UGT1A10: variants seen among roughly 807,000 people sequenced by gnomAD.
UGT1A10 encodes UDP-glucuronosyltransferase 1A10.
A neutral mutation model predicts 45.8 loss-of-function variants in UGT1A10; 49 were observed. The observed-to-expected ratio is 1.07, with a 90% CI of 0.85 to 1.36. The LOEUF (loss-of-function observed/expected upper bound fraction) is 1.36. UGT1A10 is among the 40% of genes most tolerant of loss of function. The probability of loss-of-function intolerance (pLI) is 0.00; values close to 1 mark genes in which losing one functional copy is unlikely to be tolerated. For synonymous variants in UGT1A10, 284 were observed against 249.7 expected (o/e 1.14, Z -1.29); for missense variants, 745 against 668.6 (o/e 1.11, Z -1.26).
chr2:233,683,998 A>G (rs1450435310), intron 1 of UGT1A10, among the ~76,000 whole-genome samples: 1 of 152,222 alleles, frequency 6.6e-6, no homozygotes, highest in Non-Finnish European at 1.5e-5. Context: ...CGTGACAAAT[A>G]CAAGAGTAAG....
intron 1 of UGT1A10, chr2:233,740,664 A>G (rs1345559084): frequency 6.6e-6 from 1 of 151,798 alleles, no homozygotes; most frequent in East Asian, 1.9e-4. Context: ...GTGAGAAGGT[A>G]CAGGTGTTTC....
chr2:233,767,054 T>C lies in UGT1A10; in HGVS notation c.876T>C (p.Asn292=), dbSNP rs1164851963. ...PLPMEFEAYI[N]ASGEHGIVVF... ...TCTAGGAATTTGAAGCCTACATTAA[T>C]GCTTCTGGAGAACATGGAATTGTGG... is the stretch of plus-strand genomic sequence containing the variant. The change falls in exon 2 of 5, where the codon AAT becomes AAC. Residue 292 remains asparagine, a synonymous_variant. Coordinates refer to ENST00000344644, the MANE Select transcript of UGT1A10 (RefSeq NM_019075.4). The C allele has an allele frequency of 2.5e-6, 4 of 1,614,114 alleles. No homozygotes were observed. Among genetic ancestry groups the C allele is most frequent in the Non-Finnish European group, 2.5e-6 (3 of 1,179,982 alleles).
intron 1 of UGT1A10, among the ~76,000 whole-genome samples, chr2:233,738,662 G>C (rs958812061): frequency 3.9e-5 from 6 of 152,136 alleles, no homozygotes; most frequent in African/African-American, 7.2e-5. Context: ...CTACGAACTT[G>C]AGAGAGATGA....
intron 1 of UGT1A10, chr2:233,671,817 T>A (rs1017115072): frequency 2.6e-5 from 37 of 1,423,448 alleles, no homozygotes; most frequent in South Asian, 2.2e-4. Context: ...ATTTTTTTTT[T>A]ATGAAAGGAT....
chr2:233,681,985 A>C, intron 1 of UGT1A10: 2 of 1,614,108 alleles, frequency 1.2e-6, no homozygotes, highest in Non-Finnish European at 1.7e-6. Flanking sequence ...ATGTGTGTCT[A>C]CTGCTGACCT....
At chr2:233,732,692 C>T (rs1425902853) in intron 1 of UGT1A10, among the ~76,000 whole-genome samples, 1 of 150,324 alleles carries the variant, frequency 6.7e-6, no homozygotes, top group Non-Finnish European at 1.5e-5. Context: ...AGCACCCATG[C>T]TGTTTTGTTA....
At chr2:233,683,853 A>G (rs1303148540) in intron 1 of UGT1A10, among the ~76,000 whole-genome samples, 3 of 152,160 alleles carry the variant, frequency 2.0e-5, no homozygotes, top group African/African-American at 7.2e-5. Flanking sequence ...TAAGTATGCA[A>G]TATCATCTGC....
chr2:233,647,997 G>A (rs2125472448), intron 1 of UGT1A10: 1 of 1,607,712 alleles, frequency 6.2e-7, no homozygotes, highest in South Asian at 1.1e-5. Context: ...GGGGGCATGA[G>A]GTGGTTGTAG....
chr2:233,657,163 C>CACTAGCTAT (rs1376593548), intron 1 of UGT1A10, among the ~76,000 whole-genome samples: 1 of 152,230 alleles, frequency 6.6e-6, no homozygotes, highest in East Asian at 1.9e-4. Flanking sequence ...TGCTGGCCCC[C>CACTAGCTAT]ACTAGCTATC....
chr2:233,668,008 A>T (rs914560486), intron 1 of UGT1A10, among the ~76,000 whole-genome samples: 1 of 152,134 alleles, frequency 6.6e-6, no homozygotes, highest in Non-Finnish European at 1.5e-5. Context: ...AAGAATTCCC[A>T]TATATCTTTT....
chr2:233,743,698 C>T (rs368889261), intron 1 of UGT1A10: 29 of 1,367,192 alleles, frequency 2.1e-5, no homozygotes, highest in Middle Eastern at 2.1e-4. Context: ...AGCCGCCCTC[C>T]GCCCCCGCCT....
chr2:233,737,246 C>T (rs535872842), intron 1 of UGT1A10, among the ~76,000 whole-genome samples: 57 of 152,356 alleles, frequency 3.7e-4, no homozygotes, highest in African/African-American at 1.3e-3. Flanking sequence ...TGTTTACCTA[C>T]TCAAGCCTCA....
intron 1 of UGT1A10, chr2:233,648,634 T>G (rs963801036): frequency 2.2e-4 from 53 of 245,336 alleles, no homozygotes; most frequent in African/African-American, 1.2e-3. Context: ...CTAATTTTTT[T>G]TTTGTATTTT....
chr2:233,689,773 A>T (rs1045799224), intron 1 of UGT1A10: 3 of 321,866 alleles, frequency 9.3e-6, no homozygotes, highest in Non-Finnish European at 1.8e-5. Flanking sequence ...CAACTCGGGG[A>T]CATATGTTAT....
Position 233,767,941 on chromosome 2 carries a change from G to A in UGT1A10, c.1075+5G>A. The A allele has an allele frequency of 1.2e-6, 2 of 1,614,200 alleles. No homozygotes were observed. Among genetic ancestry groups the A allele is most frequent in the South Asian group, 1.1e-5 (1 of 91,084 alleles). On this transcript the variant is annotated splice_donor_5th_base_variant and intron_variant, in intron 3 of 4. Coordinates refer to ENST00000344644, the MANE Select transcript of UGT1A10 (RefSeq NM_019075.4). ...TACCCCAAAACGATCTGCTTGGTAT[G>A]TTGGGCGGATTGGATGTATAGGTCA...
At chr2:233,700,875 CCCCCA>C (rs555944194) in intron 1 of UGT1A10, among the ~76,000 whole-genome samples, 3 of 152,002 alleles carry the variant, frequency 2.0e-5, no homozygotes, top group Non-Finnish European at 4.4e-5. Context: ...CTCCCTCCTC[CCCCCA>C]CCCCACAACA....
chr2:233,750,098 G>A (rs1449295750), intron 1 of UGT1A10, among the ~76,000 whole-genome samples: 1 of 151,902 alleles, frequency 6.6e-6, no homozygotes, highest in Non-Finnish European at 1.5e-5. Context: ...AGTTTGGAGA[G>A]CTCAGAAGAA....
chr2:233,713,814 T>C (rs1262526604), intron 1 of UGT1A10: 1 of 1,614,102 alleles, frequency 6.2e-7, no homozygotes, highest in South Asian at 1.1e-5. Flanking sequence ...CAACATGGTC[T>C]TCATTGGGGG....
intron 1 of UGT1A10, among the ~76,000 whole-genome samples, chr2:233,655,391 G>A (rs1301733136): frequency 6.6e-6 from 1 of 152,146 alleles, no homozygotes; most frequent in Non-Finnish European, 1.5e-5. Flanking sequence ...CCAAGGAGCA[G>A]GGACAGCAGG....
Sources: gnomAD v4.1 joint callset for allele counts (sites outside exome capture counted in the v4.1 genomes callset) on GRCh38, gnomAD v4.1.1 for gene constraint, MANE v1.5 for transcripts, NCBI Gene and HGNC (gene_info 2026-07-23, HGNC 2026-07-21) for gene names.